Variants in NUBPL observed in about 807,000 individuals in gnomAD.
The protein encoded by NUBPL is iron-sulfur cluster transfer protein NUBPL.
In NUBPL, 31 loss-of-function variants were observed where a neutral mutation model predicts 45.7. The ratio of observed to expected loss-of-function variants is 0.68; its 90% confidence interval spans 0.51 to 0.92. The LOEUF (loss-of-function observed/expected upper bound fraction) is 0.92. Ranked by LOEUF, NUBPL falls within the 40% of genes least tolerant of loss-of-function variation. The pLI, the probability that NUBPL is intolerant of heterozygous loss-of-function variation, is 0.00. For missense variants in NUBPL, 401 were observed against 398.7 expected, an observed-to-expected ratio of 1.01 and a Z score of -0.05; for synonymous variants, 144 against 140.9, an observed-to-expected ratio of 1.02 and a Z score of -0.15.
chr14:31,827,977 A>G (rs1401026668), intron 8 of NUBPL, among the ~76,000 whole-genome samples: 3 of 152,186 alleles, frequency 2.0e-5, no homozygotes, highest in African/African-American at 7.2e-5. Flanking sequence ...GGTATTGGCA[A>G]GCTGAGGAAC....
At chr14:31,748,136 G>C (rs546413277) in intron 6 of NUBPL, among the ~76,000 whole-genome samples, 1 of 152,162 alleles carries the variant, frequency 6.6e-6, no homozygotes, top group South Asian at 2.1e-4. Flanking sequence ...TTGATTTTTA[G>C]TTTTATTCCG....
chr14:31,577,746 A>G (rs1292030981), intron 3 of NUBPL, among the ~76,000 whole-genome samples: 1 of 152,072 alleles, frequency 6.6e-6, no homozygotes, highest in Non-Finnish European at 1.5e-5. Flanking sequence ...GATTCTGCCT[A>G]ATTTTGCACT....
chr14:31,654,062 A>T lies in NUBPL; in HGVS notation c.383-19293A>T, dbSNP rs1372362480. ...ACTAACACCAAACTTCATACTTGGT[A>T]CATACAGGTATATCTCAGAGATGTT... On this transcript the variant is annotated intron_variant, in intron 4 of 10. Transcript: ENST00000281081. 6.6e-6 allele frequency: 3 copies of T among 455,174 alleles called. No homozygotes were observed. The East Asian group carries it at 2.1e-4, about 32-fold the overall frequency. The allele number at this position is 455,174 out of a possible 1,614,324, so 28.2% of individuals were successfully genotyped here. A position where few individuals can be genotyped will look rare whatever the true frequency, so the allele number is the denominator to read the frequency against.
chr14:31,745,043 T>TA (rs199971872), intron 6 of NUBPL, among the ~76,000 whole-genome samples: 24,168 of 142,050 alleles, frequency 0.17, 5,470 homozygotes, highest in African/African-American at 0.51. Flanking sequence ...GTTATTTCTT[T>TA]TTTTTTATTT....
intron 6 of NUBPL, among the ~76,000 whole-genome samples, chr14:31,708,609 C>T (rs1174783087): frequency 6.6e-6 from 1 of 152,200 alleles, no homozygotes; most frequent in African/African-American, 2.4e-5. Context: ...CCCAGGATTC[C>T]TCAGATGGTA....
chr14:31,798,971 T>G (rs1466251979), intron 7 of NUBPL, among the ~76,000 whole-genome samples: 1 of 151,994 alleles, frequency 6.6e-6, no homozygotes. Context: ...ATGTATAGTA[T>G]TTTCTAGAAA....
intron 6 of NUBPL, among the ~76,000 whole-genome samples, chr14:31,696,742 A>G (rs1388565079): frequency 6.6e-6 from 1 of 152,172 alleles, no homozygotes; most frequent in Non-Finnish European, 1.5e-5. Context: ...ATTCATATTA[A>G]TTTCTCATTC....
At chr14:31,742,928 C>A (rs2038317496) in intron 6 of NUBPL, among the ~76,000 whole-genome samples, 1 of 152,014 alleles carries the variant, frequency 6.6e-6, no homozygotes, top group African/African-American at 2.4e-5. Context: ...TATTTCATTT[C>A]AACTTCTATA....
chr14:31,739,401 A>G (rs1035209613), intron 6 of NUBPL, among the ~76,000 whole-genome samples: 1 of 151,656 alleles, frequency 6.6e-6, no homozygotes, highest in Non-Finnish European at 1.5e-5. Flanking sequence ...AGAGTTTTTG[A>G]AAATATGTTG....
chr14:31,605,993 C>T (rs2034585323), intron 4 of NUBPL, among the ~76,000 whole-genome samples: 1 of 150,012 alleles, frequency 6.7e-6, no homozygotes, highest in South Asian at 2.1e-4. Context: ...CTCTCGTCCT[C>T]CCTTCTCCTT....
intron 7 of NUBPL, among the ~76,000 whole-genome samples, chr14:31,822,695 A>T (rs1313715821): frequency 6.6e-6 from 1 of 152,138 alleles, no homozygotes; most frequent in African/African-American, 2.4e-5. Context: ...TTCTACAAAT[A>T]GTAGACAAAA....
At chr14:31,654,243 C>A in intron 4 of NUBPL, 1 of 267,006 alleles carries the variant, frequency 3.7e-6, no homozygotes, top group Non-Finnish European at 7.8e-6. Flanking sequence ...TATGTATGTA[C>A]CTTAATTAAA....
chr14:31,599,167 G>C (rs1456390792), intron 3 of NUBPL, 122 bp from the exon 4 acceptor site: 1 of 749,600 alleles, frequency 1.3e-6, no homozygotes, highest in African/African-American at 1.8e-5. Flanking sequence ...GTAATATTTT[G>C]CCAATTTTAT....
At chr14:31,791,575 G>T (rs1041564397) in intron 7 of NUBPL, among the ~76,000 whole-genome samples, 14 of 152,116 alleles carry the variant, frequency 9.2e-5, no homozygotes, top group African/African-American at 2.9e-4. Flanking sequence ...CACTCCTCAG[G>T]TTAAAAGCCC....
chr14:31,706,505 C>A lies in NUBPL; in HGVS notation c.513+32931C>A, dbSNP rs6571452. 5.7e-3 allele frequency among the ~76,000 whole-genome samples: 875 copies of A among 152,298 alleles called. 9 individuals are homozygous for A. Among genetic ancestry groups the A allele is most frequent in the African/African-American group, 0.02 (817 of 41,554 alleles). On this transcript the variant is annotated intron_variant, in intron 6 of 10. Coordinates refer to ENST00000281081, the MANE Select transcript of NUBPL (RefSeq NM_025152.3). ...AGGGGAGAAGCCATGTTGCCCAACTCCAGAGGTTGGTATAAGAGTTTGAAA... is the reference window on the plus strand; with the variant it reads ...AGGGGAGAAGCCATGTTGCCCAACTACAGAGGTTGGTATAAGAGTTTGAAA...
At chr14:31,749,645 G>A (rs567143455) in intron 6 of NUBPL, among the ~76,000 whole-genome samples, 10 of 151,016 alleles carry the variant, frequency 6.6e-5, no homozygotes, top group East Asian at 1.9e-4. Context: ...TTTTTCTTTC[G>A]TTTTTGATAT....
intron 3 of NUBPL, among the ~76,000 whole-genome samples, chr14:31,592,177 C>A (rs11625161): frequency 0.29 from 44,790 of 151,988 alleles, 7,461 homozygotes; most frequent in South Asian, 0.41. Flanking sequence ...AGAGCTGGGG[C>A]AAAGGCCAAT....
chr14:31,794,180 G>A (rs377626648), intron 7 of NUBPL, among the ~76,000 whole-genome samples: 1 of 10,682 alleles, frequency 9.4e-5, no homozygotes, highest in Non-Finnish European at 1.6e-4. Context: ...GAATAGTGCC[G>A]CAATAAACAT....
chr14:31,712,032 G>A (rs189080262), intron 6 of NUBPL, among the ~76,000 whole-genome samples: 1 of 152,162 alleles, frequency 6.6e-6, no homozygotes, highest in African/African-American at 2.4e-5. Context: ...AAGATTTATT[G>A]TGAAGAGCAA....
Sources: gnomAD v4.1 joint callset for allele counts (sites outside exome capture counted in the v4.1 genomes callset) on GRCh38, gnomAD v4.1.1 for gene constraint, MANE v1.5 for transcripts, NCBI Gene and HGNC (gene_info 2026-07-23, HGNC 2026-07-21) for gene names.